Variants in AK2 observed in about 807,000 individuals in gnomAD.
The protein encoded by AK2 is adenylate kinase 2.
Under a neutral mutation model 24.6 loss-of-function variants are expected in AK2, and 15 were observed. The observed-to-expected ratio is 0.61, with a 90% confidence interval of 0.41 to 0.94. The LOEUF (loss-of-function observed/expected upper bound fraction) is 0.94, where lower values mean the gene tolerates loss of function less well. AK2 is among the 40% of genes least tolerant of loss of function. The probability of loss-of-function intolerance (pLI) is 0.00; values close to 1 mark genes in which losing one functional copy is unlikely to be tolerated. For synonymous variants in AK2, 102 were observed against 114.0 expected (o/e 0.90, Z 0.67); for missense variants, 257 against 304.1 (o/e 0.85, Z 1.15).
At chr1:33,030,237 TTTC>T (rs949770356) in intron 1 of AK2, among the ~76,000 whole-genome samples, 3 of 152,184 alleles carry the variant, frequency 2.0e-5, no homozygotes, top group Non-Finnish European at 4.4e-5. Flanking sequence ...GTCTAAGCCT[TTTC>T]TGTAGTATAC....
chr1:33,024,205 G>T, intron 2 of AK2: 1 of 568,232 alleles, frequency 1.8e-6, no homozygotes, highest in Non-Finnish European at 3.1e-6. Context: ...TAATCTGCCA[G>T]TTTGTTAAAA....
chr1:33,011,692 T>C lies in AK2; in HGVS notation c.*1489A>G, dbSNP rs1040662009. ...AGGCTGCCGTTTTTGTGGTCCTTCA[T>C]AGCAGTCTGTTACTTCATCTGTTTG... On this transcript the variant is annotated 3_prime_UTR_variant, in exon 6 of 6. Transcript: ENST00000672715. 37 of 1,312,326 alleles carry C rather than the reference T, an allele frequency of 2.8e-5. No individual in the cohort carries two copies. The highest frequency in any genetic ancestry group is 3.6e-5 in the Non-Finnish European group (36 of 1,006,062). 81.3% of individuals were successfully genotyped at this position (1,312,326 alleles called of 1,614,324 possible).
intron 4 of AK2, among the ~76,000 whole-genome samples, chr1:33,016,513 T>C (rs906895713): frequency 6.7e-6 from 1 of 149,318 alleles, no homozygotes; most frequent in Non-Finnish European, 1.5e-5. Flanking sequence ...GCCTGGTCTA[T>C]TTATTTTATT....
chr1:33,019,907 T>C, intron 4 of AK2: 2 of 1,393,284 alleles, frequency 1.4e-6, no homozygotes, highest in Non-Finnish European at 9.3e-7. Flanking sequence ...TGGTCATGGA[T>C]GTCTGGTTCA....
intron 1 of AK2, chr1:33,031,611 T>C (rs572630140): frequency 3.9e-5 from 18 of 456,046 alleles, no homozygotes; most frequent in African/African-American, 3.2e-4. Flanking sequence ...CTCTGTAAAT[T>C]ACTTGCTATG....
At chr1:33,027,391 T>C (rs1415818808) in intron 1 of AK2, among the ~76,000 whole-genome samples, 1 of 152,202 alleles carries the variant, frequency 6.6e-6, no homozygotes, top group Non-Finnish European at 1.5e-5. Context: ...TCTTATGCAC[T>C]GTTCCAGGTG....
Position 33,012,733 on chromosome 1 carries a change from C to T in AK2, c.*448G>A, listed in dbSNP as rs950429355. ...GCAACTTGGCAAAATCCTGTCTCTA[C>T]AAAAAATACAAATATCAGCCAGGTG... On this transcript the variant is annotated 3_prime_UTR_variant, in exon 6 of 6. Coordinates refer to ENST00000672715, the MANE Select transcript of AK2 (RefSeq NM_001625.4). The T allele has an allele frequency of 9.9e-6, 10 of 1,010,894 alleles. No individual in the cohort carries two copies. The highest frequency in any genetic ancestry group is 6.0e-5 in the East Asian group (1 of 16,744). The allele number at this position is 1,010,894 out of a possible 1,614,324, so 62.6% of individuals were successfully genotyped here.
intron 1 of AK2, among the ~76,000 whole-genome samples, chr1:33,035,231 G>A (rs1418350388): frequency 6.6e-6 from 1 of 152,158 alleles, no homozygotes; most frequent in Non-Finnish European, 1.5e-5. Context: ...CTCCAAAGAA[G>A]AATCATCTCA....
At chr1:33,015,272 C>T (rs1203530856) in intron 4 of AK2, among the ~76,000 whole-genome samples, 1 of 152,176 alleles carries the variant, frequency 6.6e-6, no homozygotes, top group Non-Finnish European at 1.5e-5. Flanking sequence ...GGAAAAATGA[C>T]TTATTAAACA....
chr1:33,031,491 T>A (rs1640231219), intron 1 of AK2: 1 of 432,436 alleles, frequency 2.3e-6, no homozygotes, highest in Non-Finnish European at 4.7e-6. Flanking sequence ...TGGGTGACTA[T>A]GTTGTAATTA....
At position 33,024,294 on chromosome 1, in the gene AK2, T is replaced by C. The variant is rs115272084; in HGVS notation, c.219+148A>G. The stretch of plus-strand genomic sequence containing the variant: ...TGTATCAGCGTTGGCTGGTAAATAC[T>C]TGAAATATGGCTAGTGCAACTGAGG... On this transcript the variant is annotated intron_variant, in intron 2 of 5. Coordinates refer to ENST00000672715, the MANE Select transcript of AK2 (RefSeq NM_001625.4). 1,407 of 1,120,414 alleles carry C rather than the reference T, an allele frequency of 1.3e-3. 12 individuals carry two copies. The African/African-American group carries it at 0.017, about 14-fold the overall frequency. 69.4% of individuals were successfully genotyped at this position (1,120,414 alleles called of 1,614,324 possible).
rs1202625305 is a variant in AK2, at chr1:33,008,225, T to C, written c.*4956A>G. On this transcript the variant is annotated 3_prime_UTR_variant, in exon 6 of 6. Transcript: ENST00000672715. Reference sequence around the variant, plus strand: ...ATGAGTATCTTGGTCACTAGTGTCATCAGCACCTTTGAGGGGTAGGGATCA... The same window carrying C: ...ATGAGTATCTTGGTCACTAGTGTCACCAGCACCTTTGAGGGGTAGGGATCA... 2 of 453,932 alleles carry C rather than the reference T, an allele frequency of 4.4e-6. No individual in the cohort carries two copies. Among genetic ancestry groups the C allele is most frequent in the Non-Finnish European group, 8.8e-6 (2 of 226,762 alleles). 28.1% of individuals were successfully genotyped at this position (453,932 alleles called of 1,614,324 possible).
Position 33,021,614 on chromosome 1 carries a change from C to A in AK2, c.309G>T (p.Arg103=), listed in dbSNP as rs772756276. The part of the protein sequence containing the change: ...KNGFLLDGFP[R]TVRQAEMLDD... ...CCACCATTTCTGCCTGCCTCACAGT[C>A]CGAGGGAAGCCATCCAGAAGAAAAC... The change falls in exon 3 of 6, where the codon CGG becomes CGT. Residue 103 remains arginine (R), a synonymous_variant. Coordinates refer to ENST00000672715, the MANE Select transcript of AK2 (RefSeq NM_001625.4). 5 of 1,614,006 alleles carry A rather than the reference C, an allele frequency of 3.1e-6. No individual in the cohort carries two copies. Among genetic ancestry groups the A allele is most frequent in the Middle Eastern group, 1.6e-4 (1 of 6,084 alleles).
chr1:33,010,676 A>T lies in AK2; in HGVS notation c.*2505T>A. The T allele has an allele frequency of 1.3e-6, 2 of 1,586,328 alleles. No individual in the cohort carries two copies. Among genetic ancestry groups the T allele is most frequent in the South Asian group, 2.3e-5 (2 of 88,612 alleles). ...AAAGAAACTGCCACACTACAATAACACTGCTGTTGTTCCAAGTATTCCTCT... is the reference window on the plus strand; with the variant it reads ...AAAGAAACTGCCACACTACAATAACTCTGCTGTTGTTCCAAGTATTCCTCT... On this transcript the variant is annotated 3_prime_UTR_variant, in exon 6 of 6. Transcript: ENST00000672715.
At position 33,011,611 on chromosome 1, in the gene AK2, G is replaced by A. The variant is rs1159197306; in HGVS notation, c.*1570C>T. 7.8e-7 allele frequency: 1 copy of A among 1,289,118 alleles called. No individual in the cohort carries two copies. The highest frequency in any genetic ancestry group is 1.2e-5 in the South Asian group (1 of 80,952). The allele number at this position is 1,289,118 out of a possible 1,614,324, so 79.9% of individuals were successfully genotyped here. A position where few individuals can be genotyped will look rare whatever the true frequency, so the allele number is the denominator to read the frequency against. On this transcript the variant is annotated 3_prime_UTR_variant, in exon 6 of 6. Transcript: ENST00000672715. ...AATCGAGTCAGCAGCAGATTATGCT[G>A]AGGCTGGCGATATTATTTACTGGAT...
At chr1:33,020,188 AACACACACACACACACACACAC>A in intron 4 of AK2, 8 of 876,878 alleles carry the variant, frequency 9.1e-6, no homozygotes, top group South Asian at 3.2e-5. Context: ...AACATGTTAA[AACACACACACACACACACACAC>A]ACACACACAC....
chr1:33,009,072 C>A lies in AK2; in HGVS notation c.*4109G>T, dbSNP rs1206992689. ...AGGCTAACACCTGAAAATGACTCTGCACAGGTGAGGAAGTGGAGCAGAAGA... is the reference window on the plus strand; with the variant it reads ...AGGCTAACACCTGAAAATGACTCTGAACAGGTGAGGAAGTGGAGCAGAAGA... On this transcript the variant is annotated 3_prime_UTR_variant, in exon 6 of 6. Coordinates refer to ENST00000672715, the MANE Select transcript of AK2 (RefSeq NM_001625.4). The A allele has an allele frequency of 2.2e-6, 1 of 454,068 alleles. No homozygotes were observed. The highest frequency in any genetic ancestry group is 2.3e-5 in the Admixed American group (1 of 42,570). 28.1% of individuals were successfully genotyped at this position (454,068 alleles called of 1,614,324 possible). A position where few individuals can be genotyped will look rare whatever the true frequency, so the allele number is the denominator to read the frequency against.
intron 4 of AK2, among the ~76,000 whole-genome samples, chr1:33,017,155 AT>A (rs1044946645): frequency 6.6e-6 from 1 of 151,942 alleles, no homozygotes; most frequent in Non-Finnish European, 1.5e-5. Context: ...AATTTGTATT[AT>A]TTTTTCTTTT....
At chr1:33,018,020 C>G (rs1430361778) in intron 4 of AK2, among the ~76,000 whole-genome samples, 3 of 152,116 alleles carry the variant, frequency 2.0e-5, no homozygotes, top group Non-Finnish European at 4.4e-5. Flanking sequence ...CTGTTTAGGT[C>G]CCTACCAAAT....
Sources: gnomAD v4.1 joint callset for allele counts (sites outside exome capture counted in the v4.1 genomes callset) on GRCh38, gnomAD v4.1.1 for gene constraint, MANE v1.5 for transcripts, NCBI Gene and HGNC (gene_info 2026-07-23, HGNC 2026-07-21) for gene names.